DOCK3: variants seen among roughly 807,000 people sequenced by gnomAD.
DOCK3 encodes the protein dedicator of cytokinesis 3.
A neutral mutation model predicts 265.6 loss-of-function variants in DOCK3; 60 were observed. That is an observed-to-expected ratio of 0.23 (90% CI 0.18 to 0.28). The LOEUF is 0.28. Ranked by LOEUF, DOCK3 falls within the 10% of genes least tolerant of loss-of-function variation. The pLI, the probability that DOCK3 is intolerant of heterozygous loss-of-function variation, is 1.00. For synonymous variants in DOCK3, 881 were observed against 938.0 expected (o/e 0.94, Z 1.11); for missense variants, 1,981 against 2,594.3 (o/e 0.76, Z 5.14).
chr3:51,236,939 C>G (rs970467588), intron 20 of DOCK3, among the ~76,000 whole-genome samples: 4 of 152,052 alleles, frequency 2.6e-5, no homozygotes, highest in African/African-American at 9.7e-5. Context: ...TATATCCAGT[C>G]CCACAGAGAG....
intron 2 of DOCK3, among the ~76,000 whole-genome samples, chr3:50,840,192 A>G (rs1219860427): frequency 6.6e-6 from 1 of 152,164 alleles, no homozygotes; most frequent in Non-Finnish European, 1.5e-5. Context: ...TTCTCTTAAC[A>G]ATGCCTTTCA....
At chr3:51,152,112 C>T (rs2085630984) in intron 10 of DOCK3, among the ~76,000 whole-genome samples, 1 of 152,164 alleles carries the variant, frequency 6.6e-6, no homozygotes, top group Admixed American at 6.5e-5. Context: ...TTCCATTCTC[C>T]CCGTCACTTT....
intron 3 of DOCK3, among the ~76,000 whole-genome samples, chr3:50,888,196 A>G (rs902835178): frequency 6.6e-6 from 1 of 152,120 alleles, no homozygotes; most frequent in African/African-American, 2.4e-5. Context: ...AAAAATCACA[A>G]GCATTCTTAT....
At chr3:51,281,274 AAT>A (rs56084027) in intron 27 of DOCK3, among the ~76,000 whole-genome samples, 72,432 of 124,880 alleles carry the variant, frequency 0.58, 21,732 homozygotes, top group Non-Finnish European at 0.7. Flanking sequence ...GATGAGCTAA[AAT>A]ATATATATAT....
chr3:51,047,437 G>A (rs1468286179), intron 5 of DOCK3, among the ~76,000 whole-genome samples: 1 of 147,312 alleles, frequency 6.8e-6, no homozygotes, highest in Non-Finnish European at 1.5e-5. Flanking sequence ...AAAAATTAGA[G>A]CAGAGATAGA....
intron 27 of DOCK3, among the ~76,000 whole-genome samples, chr3:51,292,453 TAAC>T (rs1349801993): frequency 6.6e-6 from 1 of 152,010 alleles, no homozygotes; most frequent in African/African-American, 2.4e-5. Flanking sequence ...TTCTATACAA[TAAC>T]AACAAACTGT....
chr3:50,955,071 G>A (rs2076693391), intron 5 of DOCK3, among the ~76,000 whole-genome samples: 1 of 152,048 alleles, frequency 6.6e-6, no homozygotes, highest in Admixed American at 6.6e-5. Flanking sequence ...ACCACTTATT[G>A]AATAGGGAGC....
chr3:51,252,701 C>G (rs189015670), intron 22 of DOCK3, among the ~76,000 whole-genome samples: 1 of 152,080 alleles, frequency 6.6e-6, no homozygotes, highest in East Asian at 1.9e-4. Flanking sequence ...GTGATTTTTG[C>G]ACATTGATTT....
chr3:50,766,636 C>A (rs960584602), intron 1 of DOCK3, among the ~76,000 whole-genome samples: 5 of 151,944 alleles, frequency 3.3e-5, no homozygotes, highest in African/African-American at 1.2e-4. Flanking sequence ...GGGCATATAC[C>A]CAGTAATGGG....
intron 12 of DOCK3, among the ~76,000 whole-genome samples, chr3:51,202,572 C>G (rs1175321598): frequency 1.3e-5 from 2 of 152,022 alleles, no homozygotes; most frequent in Admixed American, 6.5e-5. Context: ...GATTCACAGC[C>G]GAATTCTACC....
intron 5 of DOCK3, among the ~76,000 whole-genome samples, chr3:50,982,273 T>G (rs2077721785): frequency 6.6e-6 from 1 of 152,202 alleles, no homozygotes. Flanking sequence ...CTCAAAGTTA[T>G]TGATAGAGAG....
chr3:50,954,738 C>G (rs1194992537), intron 5 of DOCK3, among the ~76,000 whole-genome samples: 1 of 151,938 alleles, frequency 6.6e-6, no homozygotes, highest in Non-Finnish European at 1.5e-5. Flanking sequence ...TTGTCAGATG[C>G]ATAGTTTGCA....
intron 9 of DOCK3, among the ~76,000 whole-genome samples, chr3:51,099,885 C>T (rs1384862384): frequency 6.6e-6 from 1 of 152,182 alleles, no homozygotes; most frequent in Non-Finnish European, 1.5e-5. Context: ...TGAGAAGGTA[C>T]ACCTACTGTG....
rs1479714328 is a variant in DOCK3, at chr3:51,036,112, G to C, written c.316-28336G>C. Among the ~76,000 whole-genome samples, 4 of 152,138 alleles carry C rather than the reference G, an allele frequency of 2.6e-5. No homozygotes were observed. In the East Asian group the frequency reaches 7.7e-4, roughly 29 times the overall value. ...GGGGATGTGGTGGTACTTCATGGTAGTCACTTGCTCCATACTCCCTTCCAA... is the reference window on the plus strand; with the variant it reads ...GGGGATGTGGTGGTACTTCATGGTACTCACTTGCTCCATACTCCCTTCCAA... On this transcript the variant is annotated intron_variant, in intron 5 of 52. Coordinates refer to ENST00000266037, the MANE Select transcript of DOCK3 (RefSeq NM_004947.5).
rs1479699390 is a variant in DOCK3 at position 51,076,666 on chromosome 3, T to C, written c.549+1226T>C. Among the ~76,000 whole-genome samples, 3 of 152,206 alleles carry C rather than the reference T, an allele frequency of 2.0e-5. No individual in the cohort carries two copies. The East Asian group carries it at 5.8e-4, about 29-fold the overall frequency. Reference sequence around the variant, plus strand: ...TGCATGGACCCTATGTTAGAAACTCTACTCTAGTGGAATCAATAGACCACA... The same window carrying C: ...TGCATGGACCCTATGTTAGAAACTCCACTCTAGTGGAATCAATAGACCACA... On this transcript the variant is annotated intron_variant, in intron 7 of 52. Coordinates refer to ENST00000266037, the MANE Select transcript of DOCK3 (RefSeq NM_004947.5).
chr3:51,068,521 C>T (rs1312999191), intron 6 of DOCK3, among the ~76,000 whole-genome samples: 1 of 114,852 alleles, frequency 8.7e-6, no homozygotes, highest in Non-Finnish European at 1.6e-5. Flanking sequence ...GCCTGGGCGA[C>T]AGAGCGAGAC....
intron 3 of DOCK3, among the ~76,000 whole-genome samples, chr3:50,862,082 A>G (rs1436138396): frequency 6.6e-6 from 1 of 151,170 alleles, no homozygotes; most frequent in Non-Finnish European, 1.5e-5. Context: ...CATCTTTAGA[A>G]CTCCTTTGAG....
chr3:51,357,194 G>T, intron 44 of DOCK3, 53 bp downstream of exon 44: 2 of 1,562,722 alleles, frequency 1.3e-6, no homozygotes, highest in Non-Finnish European at 8.7e-7. Context: ...CAGGAAGGCG[G>T]CTCACAGGCT....
chr3:50,942,396 G>A (rs1160781515), intron 5 of DOCK3, among the ~76,000 whole-genome samples: 1 of 151,862 alleles, frequency 6.6e-6, no homozygotes, highest in Non-Finnish European at 1.5e-5. Flanking sequence ...GACATTTTTA[G>A]CATCAATTAT....
Sources: allele counts gnomAD v4.1 joint callset (sites outside exome capture counted in the v4.1 genomes callset), GRCh38; gene constraint gnomAD v4.1.1; transcripts MANE v1.5; gene names NCBI Gene and HGNC (gene_info 2026-07-23, HGNC 2026-07-21).